Variants in RPL6 observed in about 807,000 individuals in gnomAD.
The protein encoded by RPL6 is large ribosomal subunit protein eL6.
RPL6 carries 1 observed loss-of-function variant against 32.1 expected under a neutral mutation model. The ratio of observed to expected loss-of-function variants is 0.03; its 90% CI spans 0.01 to 0.15. The LOEUF (loss-of-function observed/expected upper bound fraction) is 0.15, where lower values mean the gene tolerates loss of function less well. RPL6 is among the 10% of genes least tolerant of loss of function. The pLI is 1.00. For missense variants in RPL6, 275 were observed against 354.6 expected (o/e 0.78, Z 1.80); for synonymous variants, 126 against 131.6 (o/e 0.96, Z 0.29).
At chr12:112,418,100 C>G (rs2037444981) in intron 1 of RPL6, among the ~76,000 whole-genome samples, 1 of 152,210 alleles carries the variant, frequency 6.6e-6, no homozygotes, top group East Asian at 1.9e-4. Flanking sequence ...CTGCTTCAGA[C>G]TCCCAAGCAG....
upstream of RPL6, among the ~76,000 whole-genome samples, chr12:112,412,092 C>T (rs1394288069): frequency 1.4e-5 from 2 of 148,098 alleles, no homozygotes; most frequent in South Asian, 2.2e-4. Flanking sequence ...CAGGCTGGAG[C>T]GCGGTGGCAT....
At position 112,406,815 on chromosome 12, in the gene RPL6, T is replaced by C. The variant is rs1192063985; in HGVS notation, c.412A>G (p.Arg138Gly). The change falls in exon 4 of 7, where the codon AGA (arginine) becomes GGA (glycine). Residue 138 changes from arginine to glycine, a missense_variant. Physicochemically the swap from Arg to Gly is moderately radical, Grantham distance 125. Coordinates refer to ENST00000202773, the MANE Select transcript of RPL6 (RefSeq NM_000970.6). ...HGKKPFSQHV[R>G]KLRASITPGT... ...GGGGTAATGCTGGCTCGCAGTTTTC[T>C]CACGTGCTGACTGAAGGGTTTTTTG... is the stretch of plus-strand genomic sequence containing the variant. 2 of 1,614,130 alleles carry C rather than the reference T, an allele frequency of 1.2e-6. No individual in the cohort carries two copies. The highest frequency in any genetic ancestry group is 1.7e-6 in the Non-Finnish European group (2 of 1,180,048).
At chr12:112,416,250 C>T (rs926041774) in intron 1 of RPL6, among the ~76,000 whole-genome samples, 1 of 150,390 alleles carries the variant, frequency 6.6e-6, no homozygotes, top group Non-Finnish European at 1.5e-5. Context: ...CGCCATTCTC[C>T]TGCCTCAGCC....
exon 1 of RPL6, chr12:112,418,767 G>C: frequency 2.4e-6 from 1 of 414,530 alleles, no homozygotes; most frequent in South Asian, 2.9e-5. Context: ...AGGATGCTTT[G>C]GACACTGTGC....
intron 3 of RPL6, chr12:112,407,644 G>A (rs2037212659): frequency 1.3e-5 from 2 of 153,158 alleles, no homozygotes; most frequent in Non-Finnish European, 2.9e-5. Flanking sequence ...TGTGGTAAAG[G>A]GGGCCAAGAA....
chr12:112,408,455 T>A lies in RPL6; in HGVS notation c.202A>T (p.Met68Leu). The A allele has an allele frequency of 6.2e-7, 1 of 1,614,222 alleles. No individual in the cohort carries two copies. The highest frequency in any genetic ancestry group is 8.5e-7 in the Non-Finnish European group (1 of 1,180,038). The change falls in exon 2 of 7, where the codon ATG becomes TTG. Residue 68 changes from methionine (M) to leucine (L), a missense_variant. Physicochemically the swap from Met to Leu is conservative, Grantham distance 15. Transcript: ENST00000202773. ...GCGGCTGAGTACTTCCTCTTGTACA[T>A]GGCCTTTCTGGAATACATGGCAGAT... ...SRSAMYSRKA[M>L]YKRKYSAAKS...
At chr12:112,410,719 G>A (rs1315520159), upstream of RPL6, among the ~76,000 whole-genome samples, 14 of 151,378 alleles carry the variant, frequency 9.2e-5, no homozygotes, top group African/African-American at 3.4e-4. Context: ...GATTACAGGC[G>A]CACACCACCA....
chr12:112,413,815 C>T (rs1467950640), upstream of RPL6, among the ~76,000 whole-genome samples: 1 of 150,696 alleles, frequency 6.6e-6, no homozygotes, highest in Non-Finnish European at 1.5e-5. Context: ...TGTTTGAGCC[C>T]AGGGGTTTTA....
chr12:112,412,200 T>C (rs554419536), upstream of RPL6, among the ~76,000 whole-genome samples: 31 of 152,216 alleles, frequency 2.0e-4, no homozygotes, highest in Non-Finnish European at 3.8e-4. Context: ...CCACCATGCC[T>C]GACTAATTTT....
intron 1 of RPL6, chr12:112,409,027 T>C (rs188774794): frequency 2.2e-4 from 56 of 252,730 alleles, no homozygotes; most frequent in Middle Eastern, 1.2e-3. Context: ...AGACCAGAAC[T>C]TGAAATCCCT....
upstream of RPL6, among the ~76,000 whole-genome samples, chr12:112,410,008 G>GAAAAAAAAAAAAAAAACACAAAAAAAA (rs367708899): frequency 1.3e-5 from 1 of 74,490 alleles, no homozygotes; most frequent in Non-Finnish European, 3.0e-5. Flanking sequence ...TCTCAAAAAA[G>GAAAAAAAAAAAAAAAACACAAAAAAAA]AAAAAAAAAA....
chr12:112,405,359 C>T lies in RPL6; in HGVS notation c.732G>A (p.Glu244=). 1.9e-6 allele frequency: 3 copies of T among 1,604,414 alleles called. No homozygotes were observed. Among genetic ancestry groups the T allele is most frequent in the Non-Finnish European group, 2.5e-6 (3 of 1,178,022 alleles). ...CAGCTTTCTGATCAATCTTGCGCTG[C>T]TCCGTAATCTCATATTTCTAAATAA... ...DTEKEKYEIT[E]QRKIDQKAVD... The change falls in exon 7 of 7, where the codon GAG becomes GAA. Residue 244 remains glutamate, a synonymous_variant. Coordinates refer to ENST00000202773, the MANE Select transcript of RPL6 (RefSeq NM_000970.6).
At chr12:112,417,521 A>G (rs2037429304) in intron 1 of RPL6, among the ~76,000 whole-genome samples, 1 of 145,856 alleles carries the variant, frequency 6.9e-6, no homozygotes, top group Admixed American at 6.9e-5. Context: ...CGAGCTTCAC[A>G]GAGTGTCCAA....
At position 112,408,345 on chromosome 12, in the gene RPL6, G is replaced by A; in HGVS notation, c.238-7C>T. ...CCTTCTTTTTCTTTTCAACCTACAA[G>A]GACACAAATGCATCAACAGTAAGAG... On this transcript the variant is annotated splice_region_variant and splice_polypyrimidine_tract_variant and intron_variant, in intron 2 of 6. Transcript: ENST00000202773. 1.2e-6 allele frequency: 2 copies of A among 1,613,908 alleles called. No homozygotes were observed. Among genetic ancestry groups the A allele is most frequent in the Non-Finnish European group, 1.7e-6 (2 of 1,179,872 alleles).
chr12:112,408,686 G>A (rs778783439), intron 1 of RPL6, 30 bp from the exon 2 acceptor site: 17 of 1,531,960 alleles, frequency 1.1e-5, no homozygotes, highest in African/African-American at 1.4e-5. Context: ...GATAAAAAAA[G>A]GCATTTCACC....
rs769368674 is a variant in RPL6 at position 112,405,971 on chromosome 12, G to C, written c.596C>G (p.Thr199Ser). 4.3e-6 allele frequency: 7 copies of C among 1,613,956 alleles called. No individual in the cohort carries two copies. The highest frequency in any genetic ancestry group is 2.7e-5 in the African/African-American group (2 of 74,904). ...TTTTACATTGCTGATATCGATTTTG[G>C]TTGAAGTGGCAATGACAAATTTCTG... ...THQKFVIATS[T>S]KIDISNVKIP... is the part of the protein sequence containing the mutation. Residue 199 changes from threonine to serine, a missense_variant, in exon 6 of 7, where the codon ACC becomes AGC. Physicochemically the swap from Thr to Ser is moderately conservative, Grantham distance 58 (BLOSUM62 1). Transcript: ENST00000202773.
At chr12:112,411,881 C>CT (rs937776010), upstream of RPL6, among the ~76,000 whole-genome samples, 1,037 of 144,378 alleles carry the variant, frequency 7.2e-3, 5 homozygotes, top group African/African-American at 0.019. Context: ...GACACTTAAT[C>CT]TTTTTTTTTT....
chr12:112,406,001 G>A lies in RPL6; in HGVS notation c.566C>T (p.Thr189Ile), dbSNP rs1256893573. Residue 189 changes from threonine (T) to isoleucine (I), a missense_variant, in exon 6 of 7, where the codon ACA becomes ATA. Physicochemically the swap from Thr to Ile is moderately conservative, Grantham distance 89. Coordinates refer to ENST00000202773, the MANE Select transcript of RPL6 (RefSeq NM_000970.6). ...LVLNRVPLRR[T>I]HQKFVIATST... ...AGTGGCAATGACAAATTTCTGGTGT[G>A]TTCTTCGTAGAGGAACTCGATTGAG... 6.2e-7 allele frequency: 1 copy of A among 1,613,852 alleles called. No homozygotes were observed. The highest frequency in any genetic ancestry group is 1.7e-5 in the Admixed American group (1 of 59,936).
chr12:112,406,375 G>A (rs1430815523), intron 4 of RPL6, 33 bp from the exon 5 acceptor site: 1 of 1,581,714 alleles, frequency 6.3e-7, no homozygotes, highest in Admixed American at 1.7e-5. Context: ...TTAGTTTTCT[G>A]CAATTAAAAA....
Sources: allele counts gnomAD v4.1 joint callset (sites outside exome capture counted in the v4.1 genomes callset), GRCh38; gene constraint gnomAD v4.1.1; transcripts MANE v1.5; gene names NCBI Gene and HGNC (gene_info 2026-07-23, HGNC 2026-07-21).